The following PDXDC1 variants were observed in gnomAD, a reference collection of about 807,000 sequenced individuals.
PDXDC1 encodes pyridoxal dependent decarboxylase domain containing 1, also known as pyridoxal-dependent decarboxylase domain-containing protein 1.
PDXDC1 carries 42 observed loss-of-function variants against 100.1 expected under a neutral mutation model. The ratio of observed to expected loss-of-function variants is 0.42; its 90% CI spans 0.33 to 0.54. The LOEUF is 0.54. Ranked by LOEUF, PDXDC1 falls within the 20% of genes least tolerant of loss-of-function variation. PDXDC1 has a pLI of 0.10. For synonymous variants in PDXDC1, 260 were observed against 371.7 expected, an observed-to-expected ratio of 0.70 and a Z score of 3.46; for missense variants, 636 against 979.2, an observed-to-expected ratio of 0.65 and a Z score of 4.68.
intron 16 of PDXDC1, chr16:15,063,228 C>G: frequency 1.2e-6 from 2 of 1,613,374 alleles, no homozygotes; most frequent in Non-Finnish European, 1.7e-6. Flanking sequence ...TCCTGTAGCT[C>G]TTCAGCACTC....
chr16:15,085,732 C>A, intron 16 of PDXDC1: 1 of 1,611,556 alleles, frequency 6.2e-7, no homozygotes, highest in Non-Finnish European at 8.5e-7. Flanking sequence ...GTTATTCTGT[C>A]ATTGATCTAG....
chr16:15,046,488 T>C (rs2044068748), intron 16 of PDXDC1, among the ~76,000 whole-genome samples: 5 of 152,104 alleles, frequency 3.3e-5, no homozygotes, highest in Admixed American at 3.3e-4. Context: ...TGCCCGTCTC[T>C]GTCAAATGGA....
chr16:15,056,607 C>CT (rs1359384125), intron 16 of PDXDC1, among the ~76,000 whole-genome samples: 1 of 152,066 alleles, frequency 6.6e-6, no homozygotes, highest in Admixed American at 6.5e-5. Flanking sequence ...GAGACCCACC[C>CT]TCCCCCATAC....
chr16:15,001,926 A>C, intron 4 of PDXDC1, 70 bp downstream of exon 4: 1 of 1,310,678 alleles, frequency 7.6e-7, no homozygotes, highest in Non-Finnish European at 1.1e-6. Flanking sequence ...GCGCTCTGAC[A>C]AGTTGCTCAA....
At chr16:14,998,152 A>G (rs1972401939) in intron 2 of PDXDC1, among the ~76,000 whole-genome samples, 188 bp from the exon 3 acceptor site, 2 of 152,268 alleles carry the variant, frequency 1.3e-5, no homozygotes, top group Admixed American at 6.5e-5. Context: ...TTTTTGTTGC[A>G]TATTCTTGTC....
At chr16:15,059,022 G>A (rs1275282178) in intron 16 of PDXDC1, among the ~76,000 whole-genome samples, 13 of 152,190 alleles carry the variant, frequency 8.5e-5, no homozygotes, top group Admixed American at 8.5e-4. Flanking sequence ...AAACATGGTG[G>A]AGCTTTGGAT....
At chr16:15,127,422 G>A (rs1282152987) in intron 16 of PDXDC1, 17 of 1,471,106 alleles carry the variant, frequency 1.2e-5, no homozygotes, top group Non-Finnish European at 1.4e-5. Context: ...ATGGTGCCGA[G>A]GCCCAGGCTC....
chr16:15,016,371 T>G, intron 9 of PDXDC1, 158 bp downstream of exon 9: 1 of 1,426,004 alleles, frequency 7.0e-7, no homozygotes, highest in Non-Finnish European at 9.3e-7. Flanking sequence ...CAAAGAGATC[T>G]TACTGGCTCA....
chr16:15,099,248 C>T (rs946443095), intron 16 of PDXDC1, among the ~76,000 whole-genome samples: 1 of 151,648 alleles, frequency 6.6e-6, no homozygotes, highest in African/African-American at 2.4e-5. Flanking sequence ...CATGGTGAAA[C>T]CCCATCTCTA....
chr16:15,073,787 A>T (rs374249516), intron 16 of PDXDC1, among the ~76,000 whole-genome samples: 1 of 152,094 alleles, frequency 6.6e-6, no homozygotes, highest in Non-Finnish European at 1.5e-5. Context: ...ATTTATTATT[A>T]CGACTTTTTT....
intron 1 of PDXDC1, among the ~76,000 whole-genome samples, chr16:14,978,426 G>T (rs1217402354): frequency 1.3e-5 from 2 of 152,308 alleles, no homozygotes; most frequent in Non-Finnish European, 2.9e-5. Context: ...ATCTCTCTCT[G>T]TCACCCAGGC....
intron 13 of PDXDC1, chr16:15,025,220 T>C (rs1445390279): frequency 6.6e-6 from 1 of 152,386 alleles, no homozygotes; most frequent in Non-Finnish European, 1.5e-5. Context: ...CTGTATACTA[T>C]TTCTTACACA....
intron 16 of PDXDC1, among the ~76,000 whole-genome samples, chr16:15,068,924 A>G (rs190995224): frequency 3.2e-4 from 48 of 152,306 alleles, no homozygotes; most frequent in Admixed American, 1.4e-3. Context: ...TTTGATACGT[A>G]TTTCAATAAA....
chr16:15,029,223 AGGT>A, intron 15 of PDXDC1: 1 of 612,518 alleles, frequency 1.6e-6, no homozygotes, highest in South Asian at 2.0e-5. Flanking sequence ...AACAGGCAAA[AGGT>A]GGGCTGCAGG....
chr16:15,128,180 C>G, intron 16 of PDXDC1: 1 of 1,608,946 alleles, frequency 6.2e-7, no homozygotes, highest in Non-Finnish European at 8.5e-7. Context: ...GGCGCCCCAA[C>G]GCGGGGGCAG....
At chr16:15,083,270 G>A (rs957556622) in intron 16 of PDXDC1, among the ~76,000 whole-genome samples, 3 of 152,126 alleles carry the variant, frequency 2.0e-5, no homozygotes, top group African/African-American at 7.2e-5. Context: ...ATGGTGGTAG[G>A]CGCCTGCAGT....
intron 16 of PDXDC1, among the ~76,000 whole-genome samples, chr16:15,074,045 GAA>G (rs2045348536): frequency 1.3e-5 from 2 of 152,148 alleles, no homozygotes; most frequent in South Asian, 4.1e-4. Flanking sequence ...ACAGAAAAGG[GAA>G]AAAAGTCAAA....
intron 1 of PDXDC1, among the ~76,000 whole-genome samples, chr16:14,993,611 A>G (rs1448548419): frequency 6.6e-6 from 1 of 152,292 alleles, no homozygotes; most frequent in Non-Finnish European, 1.5e-5. Context: ...ATACGTGTGC[A>G]TGTGTCTTTA....
At chr16:14,993,593 C>A (rs1485895709) in intron 1 of PDXDC1, among the ~76,000 whole-genome samples, 3 of 152,294 alleles carry the variant, frequency 2.0e-5, no homozygotes, top group East Asian at 3.8e-4. Context: ...AATAGTGCCA[C>A]AATAAACATA....
Sources: gnomAD v4.1 joint callset for allele counts (sites outside exome capture counted in the v4.1 genomes callset) on GRCh38, gnomAD v4.1.1 for gene constraint, MANE v1.5 for transcripts, NCBI Gene and HGNC (gene_info 2026-07-23, HGNC 2026-07-21) for gene names.